DYSF: variants seen among roughly 807,000 people sequenced by gnomAD.
DYSF encodes dysferlin.
A neutral mutation model predicts 274.9 loss-of-function variants in DYSF; 212 were observed. The observed-to-expected ratio is 0.77, with a 90% CI of 0.69 to 0.86. The LOEUF is 0.86. DYSF is among the 40% of genes least tolerant of loss of function. The pLI, the probability that DYSF is intolerant of heterozygous loss-of-function variation, is 0.00. For missense variants in DYSF, 2,666 were observed against 2,783.2 expected (o/e 0.96, Z 0.95); for synonymous variants, 1,091 against 1,078.7 (o/e 1.01, Z -0.22).
chr2:71,536,435 T>G (rs1482414603), intron 16 of DYSF, among the ~76,000 whole-genome samples: 2 of 152,240 alleles, frequency 1.3e-5, no homozygotes, highest in Admixed American at 1.3e-4. Context: ...ACCACGGGTA[T>G]GTACTGTGGG....
At chr2:71,639,357 T>C (rs1428103208) in intron 41 of DYSF, among the ~76,000 whole-genome samples, 1 of 152,132 alleles carries the variant, frequency 6.6e-6, no homozygotes, top group Non-Finnish European at 1.5e-5. Context: ...TTTAAAGCTA[T>C]GCAAGGAATA....
At chr2:71,563,908 G>A in intron 23 of DYSF, 150 bp from the exon 24 acceptor site, 1 of 1,136,962 alleles carries the variant, frequency 8.8e-7, no homozygotes. Flanking sequence ...GGGAGGTCTG[G>A]GGGAAGGCCA....
At chr2:71,495,527 C>A (rs1017220880) in intron 3 of DYSF, among the ~76,000 whole-genome samples, 1 of 152,322 alleles carries the variant, frequency 6.6e-6, no homozygotes, top group Admixed American at 6.5e-5. Flanking sequence ...ACCACCTGGG[C>A]TGTTCCATGA....
Position 71,669,122 on chromosome 2 carries a change from C to G in DYSF, c.5557C>G (p.Arg1853Gly). The G allele has an allele frequency of 1.9e-6, 3 of 1,601,788 alleles. No individual in the cohort carries two copies. The highest frequency in any genetic ancestry group is 2.6e-6 in the Non-Finnish European group (3 of 1,173,968). Residue 1853 changes from arginine (R) to glycine (G), a missense_variant, in exon 50 of 56, where the codon CGT becomes GGT. By Grantham distance (125) the Arg-to-Gly change is moderately radical. Transcript: ENST00000410020. ...TPRRARRFFLRCIIWNTRDVI... is the reference protein window; with the variant it reads ...TPRRARRFFLGCIIWNTRDVI... ...GATACCTTTCCCCAGGTTTTTCCTG[C>G]GTTGTATTATCTGGAATACCAGAGA...
intron 24 of DYSF, among the ~76,000 whole-genome samples, chr2:71,566,330 T>A: frequency 2.0e-5 from 2 of 101,110 alleles, no homozygotes; most frequent in African/African-American, 8.3e-5. Context: ...AAATGCAAAC[T>A]GAAAATTTTC....
intron 30 of DYSF, among the ~76,000 whole-genome samples, chr2:71,584,794 G>A (rs1163157966): frequency 6.6e-6 from 1 of 152,218 alleles, no homozygotes; most frequent in East Asian, 1.9e-4. Context: ...GGGCAGCCAA[G>A]GAGGTGCCCA....
At chr2:71,567,512 A>G (rs908617186) in intron 24 of DYSF, among the ~76,000 whole-genome samples, 2 of 152,236 alleles carry the variant, frequency 1.3e-5, no homozygotes, top group African/African-American at 4.8e-5. Flanking sequence ...CCACATTTCA[A>G]ATGCTCGGTA....
Position 71,658,867 on chromosome 2 carries a change from C to G in DYSF, c.4756-11C>G, listed in dbSNP as rs758494450. On this transcript the variant is annotated splice_polypyrimidine_tract_variant and intron_variant, in intron 43 of 55. Coordinates refer to ENST00000410020, the MANE Select transcript of DYSF (RefSeq NM_001130987.2). ...TGATAAAAATGAAAATTAACCCTTC[C>G]TTCTTTTCAGGGCCTCTTCAAAATT... The G allele has an allele frequency of 1.2e-6, 2 of 1,614,182 alleles. No homozygotes were observed. Among genetic ancestry groups the G allele is most frequent in the South Asian group, 1.1e-5 (1 of 91,082 alleles).
intron 52 of DYSF, 27 bp from the exon 53 acceptor site, chr2:71,679,030 T>G (rs2152967687): frequency 6.2e-7 from 1 of 1,613,030 alleles, no homozygotes; most frequent in East Asian, 2.2e-5. Flanking sequence ...GAGAAACCCT[T>G]GGCCAAAAAC....
At chr2:71,668,495 A>G (rs2095057777) in intron 48 of DYSF, among the ~76,000 whole-genome samples, 1 of 152,122 alleles carries the variant, frequency 6.6e-6, no homozygotes, top group Admixed American at 6.5e-5. Flanking sequence ...CTGGCTGCCA[A>G]GACTCAGCTC....
chr2:71,585,297 G>A lies in DYSF; in HGVS notation c.3403-4296G>A, dbSNP rs114784769. On this transcript the variant is annotated intron_variant, in intron 30 of 55. Transcript: ENST00000410020. Reference sequence around the variant, plus strand: ...CCTGTGTGGGTGCTTGTGAGGCTATGCGTGTTAGAATGCAATTTTCAACAG... The same window carrying A: ...CCTGTGTGGGTGCTTGTGAGGCTATACGTGTTAGAATGCAATTTTCAACAG... Among the ~76,000 whole-genome samples, 1,289 of 152,320 alleles carry A rather than the reference G, an allele frequency of 8.5e-3. 26 individuals are homozygous for A. Among genetic ancestry groups the A allele is most frequent in the African/African-American group, 0.03 (1,231 of 41,560 alleles).
At chr2:71,575,212 C>T (rs1456399423) in intron 30 of DYSF, among the ~76,000 whole-genome samples, 5 of 152,020 alleles carry the variant, frequency 3.3e-5, no homozygotes, top group African/African-American at 4.8e-5. Flanking sequence ...GGCTCAGGAT[C>T]TGTTGGGCTG....
At chr2:71,553,359 T>C (rs116605656) in intron 20 of DYSF, among the ~76,000 whole-genome samples, 171 bp downstream of exon 20, 2,559 of 152,302 alleles carry the variant, frequency 0.017, 28 homozygotes, top group Middle Eastern at 0.041. Context: ...CAAGGGGCCC[T>C]GCTACTAGTG....
In DYSF at chr2:71,666,168, C is replaced by T. The variant is rs370939013; in HGVS notation, c.5317+864C>T. Among the ~76,000 whole-genome samples, 116 of 152,058 alleles carry T rather than the reference C, an allele frequency of 7.6e-4. 2 individuals carry two copies. The South Asian group carries it at 0.012, about 15-fold the overall frequency. ...TTCCCATAGAATGAGCATCTGTTTTCGGGGGAGTCTCATTTCCTTCTACTA... is the reference window on the plus strand; with the variant it reads ...TTCCCATAGAATGAGCATCTGTTTTTGGGGGAGTCTCATTTCCTTCTACTA... On this transcript the variant is annotated intron_variant, in intron 47 of 55. Transcript: ENST00000410020.
Position 71,520,372 on chromosome 2 carries a change from G to A in DYSF, c.1033+164G>A, listed in dbSNP as rs1410933532. 2.0e-5 allele frequency among the ~76,000 whole-genome samples: 3 copies of A among 152,196 alleles called. No homozygotes were observed. The East Asian group carries it at 5.8e-4, about 29-fold the overall frequency. On this transcript the variant is annotated intron_variant, in intron 11 of 55. Transcript: ENST00000410020. Reference sequence around the variant, plus strand: ...GTCATTCATCCTCCATGTGAGACAGGCCCTCGGGAGGGTGTAACACTCACC... The same window carrying A: ...GTCATTCATCCTCCATGTGAGACAGACCCTCGGGAGGGTGTAACACTCACC...
rs1573704236 is a variant in DYSF at position 71,520,907 on chromosome 2, G to C, written c.1149+3G>C. The C allele has an allele frequency of 6.2e-7, 1 of 1,613,972 alleles. No individual in the cohort carries two copies. The highest frequency in any genetic ancestry group is 1.1e-5 in the South Asian group (1 of 91,066). ...TGGGGCCTGGGGACGAAGCGCCTGT[G>C]AGTACATTTCCCTGGGTCTTCCTTA... On this transcript the variant is annotated splice_donor_region_variant and intron_variant, in intron 12 of 55. Transcript: ENST00000410020.
chr2:71,646,359 C>G (rs1161259138), intron 42 of DYSF, among the ~76,000 whole-genome samples: 2 of 152,218 alleles, frequency 1.3e-5, no homozygotes, highest in Non-Finnish European at 2.9e-5. Flanking sequence ...TGAATTGGCA[C>G]CCAGCCCTCC....
chr2:71,620,519 G>T (rs1403947205), intron 40 of DYSF, 28 bp from the exon 41 acceptor site: 2 of 1,551,732 alleles, frequency 1.3e-6, no homozygotes, highest in South Asian at 2.4e-5. Context: ...CTCTAATCCT[G>T]TTGCTAACCA....
At chr2:71,670,808 G>C (rs991557471) in intron 51 of DYSF, among the ~76,000 whole-genome samples, 2 of 152,174 alleles carry the variant, frequency 1.3e-5, no homozygotes, top group African/African-American at 4.8e-5. Context: ...GAGACTTCAG[G>C]GCTATGCTGG....
Sources: allele counts gnomAD v4.1 joint callset (sites outside exome capture counted in the v4.1 genomes callset), GRCh38; gene constraint gnomAD v4.1.1; transcripts MANE v1.5; gene names NCBI Gene and HGNC (gene_info 2026-07-23, HGNC 2026-07-21).